COL14A1: variants seen among roughly 807,000 people sequenced by gnomAD.
The protein encoded by COL14A1 is collagen type XIV alpha 1 chain.
Under a neutral mutation model 230.3 loss-of-function variants are expected in COL14A1, and 136 were observed. The ratio of observed to expected loss-of-function variants is 0.59; its 90% confidence interval spans 0.51 to 0.68. The LOEUF is 0.68. COL14A1 is among the 30% of genes least tolerant of loss of function. COL14A1 has a pLI of 0.00. For missense variants in COL14A1, 1,976 were observed against 2,215.8 expected (o/e 0.89, Z 2.17); for synonymous variants, 792 against 784.1 (o/e 1.01, Z -0.17).
intron 14 of COL14A1, among the ~76,000 whole-genome samples, chr8:120,220,506 T>A (rs1026191829): frequency 1.3e-5 from 2 of 152,076 alleles, no homozygotes; most frequent in Non-Finnish European, 2.9e-5. Flanking sequence ...TCTCTTGACC[T>A]CGTGATCTGC....
chr8:120,364,445 G>C (rs1053213817), intron 45 of COL14A1, among the ~76,000 whole-genome samples: 3 of 152,082 alleles, frequency 2.0e-5, no homozygotes, highest in Non-Finnish European at 2.9e-5. Context: ...TTTTAACAAG[G>C]TTGCTTCACT....
At chr8:120,211,743 G>C (rs1162710491) in intron 12 of COL14A1, among the ~76,000 whole-genome samples, 2 of 152,160 alleles carry the variant, frequency 1.3e-5, no homozygotes, top group Admixed American at 1.3e-4. Context: ...AATCCTGGCA[G>C]TCATGTGCCT....
At chr8:120,298,891 G>A (rs1820619234) in intron 35 of COL14A1, among the ~76,000 whole-genome samples, 1 of 151,602 alleles carries the variant, frequency 6.6e-6, no homozygotes, top group Admixed American at 6.6e-5. Flanking sequence ...TTGTACGGCT[G>A]TGGAGGCCTC....
intron 3 of COL14A1, among the ~76,000 whole-genome samples, chr8:120,158,903 A>T (rs1400735066): frequency 6.6e-6 from 1 of 152,202 alleles, no homozygotes; most frequent in Non-Finnish European, 1.5e-5. Flanking sequence ...ATAAGCTAAA[A>T]TAATACAGAC....
chr8:120,266,330 C>A (rs1484132001), intron 24 of COL14A1, among the ~76,000 whole-genome samples: 1 of 152,002 alleles, frequency 6.6e-6, no homozygotes, highest in African/African-American at 2.4e-5. Flanking sequence ...GTCCTCAAAA[C>A]CAAAAGACAT....
At chr8:120,298,300 T>C (rs1820590188) in intron 35 of COL14A1, among the ~76,000 whole-genome samples, 1 of 151,882 alleles carries the variant, frequency 6.6e-6, no homozygotes. Flanking sequence ...TGTACTTCTC[T>C]TAAATTTTTA....
chr8:120,126,771 A>G lies in COL14A1; in HGVS notation c.-38+1431A>G, dbSNP rs114925434. Among the ~76,000 whole-genome samples, 456 of 152,270 alleles carry G rather than the reference A, an allele frequency of 3.0e-3. 5 individuals carry two copies. Among genetic ancestry groups the G allele is most frequent in the African/African-American group, 0.011 (442 of 41,558 alleles). On this transcript the variant is annotated intron_variant, in intron 1 of 47. Transcript: ENST00000297848. ...GCATGGTCCAGTCTGCACATAGAGA[A>G]CTCACTGGTAAATTTAGAATGAGTG...
At chr8:120,300,679 C>A in intron 35 of COL14A1, 53 bp from the exon 36 acceptor site, 2 of 1,334,594 alleles carry the variant, frequency 1.5e-6, no homozygotes, top group Non-Finnish European at 1.1e-6. Context: ...GCCAGTAAAG[C>A]CATTTGTATA....
chr8:120,214,209 T>C (rs1267666261), intron 13 of COL14A1: 1 of 160,574 alleles, frequency 6.2e-6, no homozygotes, highest in Non-Finnish European at 1.4e-5. Context: ...CTGGAATCAG[T>C]TAATCAATTT....
At position 120,372,038 on chromosome 8, in the gene COL14A1, A is replaced by G. The variant is rs1172094573; in HGVS notation, c.*807A>G. ...AGCAAATAAAACTTTAAAACAATGT[A>G]TGTGGATTCTTTTTCCTGCATTTCT... On this transcript the variant is annotated 3_prime_UTR_variant, in exon 48 of 48. Coordinates refer to ENST00000297848, the MANE Select transcript of COL14A1 (RefSeq NM_021110.4). 1 of 164,030 alleles carries G rather than the reference A, an allele frequency of 6.1e-6. No individual in the cohort carries two copies. The highest frequency in any genetic ancestry group is 2.4e-5 in the African/African-American group (1 of 42,244). 10.2% of individuals were successfully genotyped at this position (164,030 alleles called of 1,614,324 possible).
intron 23 of COL14A1, among the ~76,000 whole-genome samples, chr8:120,258,977 C>A (rs1819245876): frequency 6.6e-6 from 1 of 152,156 alleles, no homozygotes; most frequent in South Asian, 2.1e-4. Flanking sequence ...TGATGAACTT[C>A]TTTGTAACCT....
chr8:120,251,571 C>T (rs1183214658), intron 22 of COL14A1, among the ~76,000 whole-genome samples: 1 of 152,162 alleles, frequency 6.6e-6, no homozygotes. Flanking sequence ...CACAATAATG[C>T]AATGTTTTCC....
intron 1 of COL14A1, among the ~76,000 whole-genome samples, chr8:120,136,699 C>T (rs939905423): frequency 2.0e-5 from 3 of 151,830 alleles, no homozygotes; most frequent in Admixed American, 6.6e-5. Flanking sequence ...TGTGGTGGCT[C>T]ATGCCTGTAA....
At chr8:120,192,170 G>T (rs888081968) in intron 5 of COL14A1, among the ~76,000 whole-genome samples, 3 of 152,168 alleles carry the variant, frequency 2.0e-5, no homozygotes, top group African/African-American at 7.2e-5. Flanking sequence ...GCATGATTTT[G>T]CAGTGGCTGG....
intron 5 of COL14A1, among the ~76,000 whole-genome samples, chr8:120,172,859 C>T (rs1194886196): frequency 6.6e-6 from 1 of 152,196 alleles, no homozygotes; most frequent in Non-Finnish European, 1.5e-5. Flanking sequence ...GGTCTTGTCT[C>T]CCGTTCCAGC....
At chr8:120,260,891 C>T (rs1486157799) in intron 23 of COL14A1, among the ~76,000 whole-genome samples, 3 of 152,148 alleles carry the variant, frequency 2.0e-5, no homozygotes, top group African/African-American at 7.2e-5. Context: ...ATTTCATTTA[C>T]ATTTGCTTAG....
rs1328006616 is a variant in COL14A1, at chr8:120,135,180, T to G, written c.-38+9840T>G. On this transcript the variant is annotated intron_variant, in intron 1 of 47. Transcript: ENST00000297848. ...TTGTAAATATCAGAGCCAGCAAGTT[T>G]ATGGAAAAATAGACACATATACTTT... Among the ~76,000 whole-genome samples the G allele has an allele frequency of 3.3e-5, 5 of 152,308 alleles. No homozygotes were observed. In the East Asian group the frequency reaches 9.6e-4, roughly 29 times the overall value.
Position 120,360,544 on chromosome 8 carries a change from C to T in COL14A1, c.5078-6627C>T, listed in dbSNP as rs79412449. ...CATGCATGTTCGTCTGCCACCGTGC[C>T]CATCTGTCACTTCTTTAGCAGATAA... On this transcript the variant is annotated intron_variant, in intron 45 of 47. Transcript: ENST00000297848. Among the ~76,000 whole-genome samples the T allele has an allele frequency of 9.8e-5, 15 of 152,330 alleles. No individual in the cohort carries two copies. The East Asian group carries it at 2.7e-3, about 27-fold the overall frequency.
chr8:120,335,258 A>C (rs1379205488), intron 42 of COL14A1, among the ~76,000 whole-genome samples: 1 of 152,220 alleles, frequency 6.6e-6, no homozygotes, highest in East Asian at 1.9e-4. Context: ...TAGTATCTAC[A>C]TAAATACCAA....
Sources: allele counts gnomAD v4.1 joint callset (sites outside exome capture counted in the v4.1 genomes callset), GRCh38; gene constraint gnomAD v4.1.1; transcripts MANE v1.5; gene names NCBI Gene and HGNC (gene_info 2026-07-23, HGNC 2026-07-21).